Variants in NUDT5 observed in about 807,000 individuals in gnomAD.
NUDT5 encodes the protein nudix hydrolase 5, also known as ADP-sugar pyrophosphatase.
Under a neutral mutation model 34.1 loss-of-function variants are expected in NUDT5, and 21 were observed. The observed-to-expected ratio is 0.62, with a 90% CI of 0.44 to 0.89. The LOEUF (loss-of-function observed/expected upper bound fraction) is 0.89, where lower values mean the gene tolerates loss of function less well. NUDT5 is among the 40% of genes least tolerant of loss of function. The pLI is 0.00. For missense variants in NUDT5, 249 were observed against 274.8 expected (o/e 0.91, Z 0.66); for synonymous variants, 85 against 97.6 (o/e 0.87, Z 0.76).
In NUDT5 at chr10:12,173,569, G is replaced by A. The variant is rs530239596; in HGVS notation, c.385+149C>T. The A allele has an allele frequency of 1.2e-5, 8 of 644,578 alleles. No homozygotes were observed. The African/African-American group carries it at 1.4e-4, about 12-fold the overall frequency. The allele number at this position is 644,578 out of a possible 1,614,324, so 39.9% of individuals were successfully genotyped here. ...CCCTTCTGGCTCCAGTTTCCTCCTGGGAGGGGAGATTCCCTTACACTTGGT... is the reference window on the plus strand; with the variant it reads ...CCCTTCTGGCTCCAGTTTCCTCCTGAGAGGGGAGATTCCCTTACACTTGGT... On this transcript the variant is annotated intron_variant, in intron 6 of 9. Coordinates refer to ENST00000491614, the MANE Select transcript of NUDT5 (RefSeq NM_014142.4). This position sits in a 1 kb window ranked among gnomAD's most constrained non-coding sequence, Gnocchi z 4.7.
At chr10:12,188,210 G>C (rs1408803292) in intron 1 of NUDT5, among the ~76,000 whole-genome samples, 1 of 152,162 alleles carries the variant, frequency 6.6e-6, no homozygotes, top group African/African-American at 2.4e-5. Flanking sequence ...AAAGGAAAAA[G>C]TGAGTCTGCT....
At chr10:12,185,258 AGGG>A (rs1423990345) in intron 2 of NUDT5, among the ~76,000 whole-genome samples, 1 of 152,198 alleles carries the variant, frequency 6.6e-6, no homozygotes, top group African/African-American at 2.4e-5. Flanking sequence ...GGTAACTGGA[AGGG>A]AGCACATGGG....
intron 2 of NUDT5, 22 bp from the exon 3 acceptor site, chr10:12,184,978 A>T (rs775006459): frequency 8.9e-6 from 12 of 1,354,840 alleles, no homozygotes; most frequent in Non-Finnish European, 1.3e-5. Flanking sequence ...TCAGATAATA[A>T]GTTGGGAAAC....
In NUDT5 at chr10:12,186,213, GA is replaced by G; in HGVS notation, c.63+15del. 1 of 1,598,956 alleles carries G rather than the reference GA, an allele frequency of 6.3e-7. No individual in the cohort carries two copies. The highest frequency in any genetic ancestry group is 8.6e-7 in the Non-Finnish European group (1 of 1,166,274). On this transcript the variant is annotated intron_variant, in intron 2 of 9. Transcript: ENST00000491614. ...TTATGTGGGGGAGGGAAGGGAAAGT[GA>G]AAAACAAGTTATACCTCCTCTGAAA...
intron 1 of NUDT5, among the ~76,000 whole-genome samples, chr10:12,193,287 CTGTACACGCT>C (rs1280153844): frequency 1.3e-5 from 2 of 152,096 alleles, no homozygotes; most frequent in Non-Finnish European, 2.9e-5. Context: ...GAGCTCAAAT[CTGTACACGCT>C]TGTTTGAGGT....
In NUDT5 at chr10:12,170,228, G is replaced by T; in HGVS notation, c.550+489C>A. The stretch of plus-strand genomic sequence containing the variant: ...GTGATTTCTAAGGGCCACACAGCTG[G>T]TTTGGTTTATTATGTGAAAAGCATA... On this transcript the variant is annotated intron_variant, in intron 9 of 9. Coordinates refer to ENST00000491614, the MANE Select transcript of NUDT5 (RefSeq NM_014142.4). This position sits in a 1 kb window ranked among gnomAD's most constrained non-coding sequence, Gnocchi z 4.9. 1 of 1,605,414 alleles carries T rather than the reference G, an allele frequency of 6.2e-7. No homozygotes were observed.
rs1334949721 is a variant in NUDT5, at chr10:12,187,811, C to T, written c.-41-1479G>A. On this transcript the variant is annotated intron_variant, in intron 1 of 9. Transcript: ENST00000491614. This position sits in a 1 kb window ranked among gnomAD's most constrained non-coding sequence, Gnocchi z 5.4. ...CTTTACAGGGAATTTTTTTCTTGAA[C>T]GACTTCACTGATGATTTCCTCCCCT... Among the ~76,000 whole-genome samples, 3 of 152,050 alleles carry T rather than the reference C, an allele frequency of 2.0e-5. No homozygotes were observed. The highest frequency in any genetic ancestry group is 4.4e-5 in the Non-Finnish European group (3 of 68,026).
chr10:12,181,956 A>C lies in NUDT5; in HGVS notation c.132-2824T>G, dbSNP rs1358133234. Among the ~76,000 whole-genome samples, 6 of 152,050 alleles carry C rather than the reference A, an allele frequency of 3.9e-5. No individual in the cohort carries two copies. The highest frequency in any genetic ancestry group is 7.4e-5 in the Non-Finnish European group (5 of 68,002). On this transcript the variant is annotated intron_variant, in intron 3 of 9. Coordinates refer to ENST00000491614, the MANE Select transcript of NUDT5 (RefSeq NM_014142.4). The surrounding 1 kb of genome is among the most constrained non-coding windows in gnomAD (Gnocchi z 5.0). ...GAGTTTCAGACCATCCTGGCCAACAACACTGCCTCTACTAAAAATACAAAA... is the reference window on the plus strand; with the variant it reads ...GAGTTTCAGACCATCCTGGCCAACACCACTGCCTCTACTAAAAATACAAAA...
intron 9 of NUDT5, 93 bp from the exon 10 acceptor site, chr10:12,167,904 A>G: frequency 1.9e-6 from 3 of 1,555,580 alleles, no homozygotes; most frequent in South Asian, 2.4e-5. Context: ...GTACTACTAT[A>G]TGTCACTTCC....
intron 1 of NUDT5, among the ~76,000 whole-genome samples, chr10:12,189,875 C>T (rs1198885603): frequency 6.7e-6 from 1 of 149,578 alleles, no homozygotes; most frequent in African/African-American, 2.5e-5. Context: ...TACATGTACA[C>T]GATGTTGAGT....
Position 12,165,412 on chromosome 10 carries a change from T to G in NUDT5, c.*2290A>C. 2.2e-6 allele frequency: 2 copies of G among 930,096 alleles called. No homozygotes were observed. Among genetic ancestry groups the G allele is most frequent in the South Asian group, 5.0e-5 (1 of 20,084 alleles). 57.6% of individuals were successfully genotyped at this position (930,096 alleles called of 1,614,324 possible). ...ATAAAGAAATCTGATATTAAACGTT[T>G]TCTAAGATCATTTGTATAGGTTCAG... On this transcript the variant is annotated 3_prime_UTR_variant, in exon 10 of 10. Coordinates refer to ENST00000491614, the MANE Select transcript of NUDT5 (RefSeq NM_014142.4).
At chr10:12,184,210 C>T (rs1266143897) in intron 3 of NUDT5, among the ~76,000 whole-genome samples, 3 of 152,136 alleles carry the variant, frequency 2.0e-5, no homozygotes, top group African/African-American at 7.2e-5. Flanking sequence ...CCAGGCCCAG[C>T]TATTTTTTGT....
rs188846247 is a variant in NUDT5, at chr10:12,175,275, G to C, written c.290-1462C>G. Among the ~76,000 whole-genome samples, 1 of 151,972 alleles carries C rather than the reference G, an allele frequency of 6.6e-6. No individual in the cohort carries two copies. The highest frequency in any genetic ancestry group is 2.1e-4 in the South Asian group (1 of 4,818). ...GCGGAGGTTGCAGTGAGCTGAAATCGTGCCACTGCACTCTAGCTTGGGCAA... is the reference window on the plus strand; with the variant it reads ...GCGGAGGTTGCAGTGAGCTGAAATCCTGCCACTGCACTCTAGCTTGGGCAA... On this transcript the variant is annotated intron_variant, in intron 5 of 9. Coordinates refer to ENST00000491614, the MANE Select transcript of NUDT5 (RefSeq NM_014142.4). The surrounding 1 kb of genome is among the most constrained non-coding windows in gnomAD (Gnocchi z 4.8).
intron 3 of NUDT5, chr10:12,184,384 A>G: frequency 1.2e-6 from 1 of 844,256 alleles, no homozygotes; most frequent in East Asian, 3.8e-5. Context: ...TAAAACTGGG[A>G]TTACTCGGTC....
rs1834704800 is a variant in NUDT5, at chr10:12,166,683, C to T, written c.*1019G>A. The T allele has an allele frequency of 2.0e-6, 1 of 498,346 alleles. No homozygotes were observed. The highest frequency in any genetic ancestry group is 2.0e-5 in the African/African-American group (1 of 51,070). The allele number at this position is 498,346 out of a possible 1,614,324, so 30.9% of individuals were successfully genotyped here. A position where few individuals can be genotyped will look rare whatever the true frequency, so the allele number is the denominator to read the frequency against. ...GACTTAGGGCTGGATGAGAATCATC[C>T]TGAGAATTCCGTGGGGGCCAGACTG... On this transcript the variant is annotated 3_prime_UTR_variant, in exon 10 of 10. Coordinates refer to ENST00000491614, the MANE Select transcript of NUDT5 (RefSeq NM_014142.4).
chr10:12,182,577 CCT>C lies in NUDT5; in HGVS notation c.131+2310_131+2311del, dbSNP rs1361244559. Among the ~76,000 whole-genome samples the C allele has an allele frequency of 1.3e-5, 2 of 152,106 alleles. No homozygotes were observed. Among genetic ancestry groups the C allele is most frequent in the African/African-American group, 4.8e-5 (2 of 41,404 alleles). On this transcript the variant is annotated intron_variant, in intron 3 of 9. Coordinates refer to ENST00000491614, the MANE Select transcript of NUDT5 (RefSeq NM_014142.4). The surrounding 1 kb of genome is among the most constrained non-coding windows in gnomAD (Gnocchi z 4.3). Reference sequence around the variant, plus strand: ...TATGGTAGTTTGGTGGATTTTAGAGCCTACTCCCAATCTACTGAAATAGATAT... The same window carrying C: ...TATGGTAGTTTGGTGGATTTTAGAGCACTCCCAATCTACTGAAATAGATAT...
Position 12,169,272 on chromosome 10 carries a change from T to G in NUDT5, c.550+1445A>C. 6.4e-7 allele frequency: 1 copy of G among 1,552,110 alleles called. No homozygotes were observed. Among genetic ancestry groups the G allele is most frequent in the South Asian group, 1.2e-5 (1 of 83,802 alleles). On this transcript the variant is annotated intron_variant, in intron 9 of 9. Transcript: ENST00000491614. This position sits in a 1 kb window ranked among gnomAD's most constrained non-coding sequence, Gnocchi z 4.8. Reference sequence around the variant, plus strand: ...CCTTTTCTAAGACCAAAAGTGAAGTTAAGAAGGTGGAAGGGAGAAGGAAGA... The same window carrying G: ...CCTTTTCTAAGACCAAAAGTGAAGTGAAGAAGGTGGAAGGGAGAAGGAAGA...
rs1588659328 is a variant in NUDT5, at chr10:12,181,300, T to C, written c.132-2168A>G. Among the ~76,000 whole-genome samples the C allele has an allele frequency of 6.6e-6, 1 of 152,198 alleles. No homozygotes were observed. Among genetic ancestry groups the C allele is most frequent in the Non-Finnish European group, 1.5e-5 (1 of 68,034 alleles). ...TACATACTGAGTATCTGCATTTTCATATCAGGGACTTCAGCATCTGTGGAT... is the reference window on the plus strand; with the variant it reads ...TACATACTGAGTATCTGCATTTTCACATCAGGGACTTCAGCATCTGTGGAT... On this transcript the variant is annotated intron_variant, in intron 3 of 9. Coordinates refer to ENST00000491614, the MANE Select transcript of NUDT5 (RefSeq NM_014142.4). The surrounding 1 kb of genome is among the most constrained non-coding windows in gnomAD (Gnocchi z 5.0).
chr10:12,178,972 T>C, intron 4 of NUDT5, 111 bp downstream of exon 4: 1 of 920,952 alleles, frequency 1.1e-6, no homozygotes. Flanking sequence ...TAAGCGGAGA[T>C]TTAAAGACAC....
Sources: gnomAD v4.1 joint callset for allele counts (sites outside exome capture counted in the v4.1 genomes callset) on GRCh38, gnomAD v4.1.1 for gene constraint, Gnocchi (gnomAD v3.1) non-coding constraint, MANE v1.5 for transcripts, NCBI Gene and HGNC (gene_info 2026-07-23, HGNC 2026-07-21) for gene names.